FNDC3B: variants seen among roughly 807,000 people sequenced by gnomAD.
FNDC3B encodes the protein fibronectin type III domain containing 3B, also known as fibronectin type III domain-containing protein 3B.
Under a neutral mutation model 151.5 loss-of-function variants are expected in FNDC3B, and 12 were observed. The observed-to-expected ratio is 0.08, with a 90% CI of 0.05 to 0.13. The LOEUF is 0.13. FNDC3B is among the 10% of genes least tolerant of loss of function. FNDC3B has a pLI of 1.00. For synonymous variants in FNDC3B, 528 were observed against 549.0 expected (o/e 0.96, Z 0.54); for missense variants, 1,214 against 1,505.3 (o/e 0.81, Z 3.20).
intron 3 of FNDC3B, among the ~76,000 whole-genome samples, chr3:172,225,040 C>CAAAAAAATAAAAAAAA (rs1726479062): frequency 6.6e-6 from 1 of 152,206 alleles, no homozygotes; most frequent in South Asian, 2.1e-4. Flanking sequence ...AATATTAACT[C>CAAAAAAATAAAAAAAA]AAAACTATGT....
At chr3:172,136,320 C>T (rs1721362317) in intron 3 of FNDC3B, among the ~76,000 whole-genome samples, 1 of 152,164 alleles carries the variant, frequency 6.6e-6, no homozygotes, top group African/African-American at 2.4e-5. Flanking sequence ...GGGGCGAGCA[C>T]TTTGTTAATG....
chr3:172,251,449 G>C lies in FNDC3B; in HGVS notation c.698G>C (p.Ser233Thr). 1 of 1,614,148 alleles carries C rather than the reference G, an allele frequency of 6.2e-7. No homozygotes were observed. ...TATGGGAAGGGCCATAGTGGTGGAA[G>C]TGGCGGAGGCGGCAGCGGTAGTGGT... ...NGYGKGHSGG[S>T]GGGGSGSGPG... Residue 233 changes from serine to threonine, a missense_variant, in exon 6 of 26, where the codon AGT becomes ACT. By Grantham distance (58) the Ser-to-Thr change is moderately conservative (BLOSUM62 1). This residue lies in a region of FNDC3B where 166 missense variants were observed against 173.2 expected (regional missense o/e 0.96). Transcript: ENST00000415807.
intron 11 of FNDC3B, chr3:172,316,390 G>A (rs537859887): frequency 1.1e-5 from 5 of 454,558 alleles, no homozygotes; most frequent in Non-Finnish European, 2.2e-5. Context: ...AGGATATAGA[G>A]GGCTCTAGGT....
chr3:172,257,347 A>T (rs1047141912), intron 6 of FNDC3B, among the ~76,000 whole-genome samples: 65 of 152,326 alleles, frequency 4.3e-4, no homozygotes, highest in African/African-American at 1.4e-3. Flanking sequence ...ACAGAATGGA[A>T]TTGTAAGATT....
At position 172,040,992 on chromosome 3, in the gene FNDC3B, A is replaced by G. The variant is rs1439924132; in HGVS notation, c.-29+1221A>G. Among the ~76,000 whole-genome samples the G allele has an allele frequency of 6.6e-6, 1 of 152,208 alleles. No homozygotes were observed. The highest frequency in any genetic ancestry group is 1.5e-5 in the Non-Finnish European group (1 of 68,018). ...CTGCCATCCCAGACGAAGGGAAGCA[A>G]TGGCATTTTATCCAGACAGTGCCGT... On this transcript the variant is annotated intron_variant, in intron 1 of 25. Transcript: ENST00000415807. The surrounding 1 kb of genome is among the most constrained non-coding windows in gnomAD (Gnocchi z 6.6).
intron 1 of FNDC3B, among the ~76,000 whole-genome samples, chr3:172,054,928 A>G (rs569299920): frequency 1.3e-5 from 2 of 152,332 alleles, no homozygotes; most frequent in East Asian, 1.9e-4. Context: ...TTATACCTCA[A>G]GAGGTAAAGA....
intron 23 of FNDC3B, among the ~76,000 whole-genome samples, chr3:172,375,143 A>G (rs1735070978): frequency 1.3e-5 from 2 of 152,096 alleles, no homozygotes. Flanking sequence ...GGAAGGTGTC[A>G]GCTTTTTAAT....
chr3:172,288,859 C>T (rs1730163953), intron 7 of FNDC3B, among the ~76,000 whole-genome samples: 1 of 152,180 alleles, frequency 6.6e-6, no homozygotes, highest in Non-Finnish European at 1.5e-5. Context: ...ATGTCTGGTT[C>T]TCTGGATGGC....
intron 6 of FNDC3B, among the ~76,000 whole-genome samples, chr3:172,264,132 A>T (rs558164418): frequency 1.3e-5 from 2 of 152,112 alleles, no homozygotes; most frequent in African/African-American, 2.4e-5. Context: ...AACTACAGAC[A>T]TGTGCCACCC....
chr3:172,382,564 T>C (rs1264988032), intron 25 of FNDC3B, among the ~76,000 whole-genome samples: 1 of 152,262 alleles, frequency 6.6e-6, no homozygotes, highest in Non-Finnish European at 1.5e-5. Flanking sequence ...CCGAATGGTA[T>C]TGCCTAGGTT....
chr3:172,080,374 G>A (rs1718221380), intron 1 of FNDC3B, among the ~76,000 whole-genome samples: 1 of 152,042 alleles, frequency 6.6e-6, no homozygotes, highest in Non-Finnish European at 1.5e-5. Context: ...GGGCTCAAGT[G>A]ATCCTTCTGC....
chr3:172,351,581 G>A (rs1169285356), intron 21 of FNDC3B, among the ~76,000 whole-genome samples: 1 of 152,290 alleles, frequency 6.6e-6, no homozygotes, highest in South Asian at 2.1e-4. Flanking sequence ...CAAAAATCTC[G>A]ATAATCCTGA....
At chr3:172,345,332 C>T (rs1372704309) in intron 19 of FNDC3B, among the ~76,000 whole-genome samples, 1 of 152,200 alleles carries the variant, frequency 6.6e-6, no homozygotes, top group African/African-American at 2.4e-5. Flanking sequence ...CTACCCCATT[C>T]TCTCATCAAC....
In FNDC3B at chr3:172,397,675, T is replaced by A. The variant is rs6794474; in HGVS notation, c.*200T>A. 56,885 of 277,948 alleles carry A rather than the reference T, an allele frequency of 0.2. 7,986 individuals are homozygous for A. The highest frequency in any genetic ancestry group is 0.64 in the East Asian group (12,981 of 20,302). 17.2% of individuals were successfully genotyped at this position (277,948 alleles called of 1,614,324 possible). On this transcript the variant is annotated 3_prime_UTR_variant, in exon 26 of 26. Coordinates refer to ENST00000415807, the MANE Select transcript of FNDC3B (RefSeq NM_022763.4). Reference sequence around the variant, plus strand: ...AAAAGGTTAAACTGGATTTTTTTTTTTAAAAAAAAGAAAAAAAAAGAAGAA... The same window carrying A: ...AAAAGGTTAAACTGGATTTTTTTTTATAAAAAAAAGAAAAAAAAAGAAGAA...
At chr3:172,371,368 G>T (rs939535941) in intron 23 of FNDC3B, among the ~76,000 whole-genome samples, 2 of 152,158 alleles carry the variant, frequency 1.3e-5, no homozygotes, top group African/African-American at 4.8e-5. Context: ...ATCTGCAGTT[G>T]GTTGATCCAC....
At chr3:172,303,689 A>G (rs1438392194) in intron 9 of FNDC3B, among the ~76,000 whole-genome samples, 1 of 151,916 alleles carries the variant, frequency 6.6e-6, no homozygotes, top group African/African-American at 2.4e-5. Flanking sequence ...CTCCTTTTAC[A>G]TGATGATATT....
chr3:172,199,932 C>T (rs1316211471), intron 3 of FNDC3B, among the ~76,000 whole-genome samples: 4 of 152,134 alleles, frequency 2.6e-5, no homozygotes, highest in East Asian at 1.9e-4. Flanking sequence ...GGGTTCTCTG[C>T]GCGCTTTTGT....
At chr3:172,281,626 C>A (rs1348007894) in intron 6 of FNDC3B, among the ~76,000 whole-genome samples, 1 of 152,222 alleles carries the variant, frequency 6.6e-6, no homozygotes, top group East Asian at 1.9e-4. Flanking sequence ...TGGAAAATAG[C>A]CCCTGAGAAT....
intron 19 of FNDC3B, among the ~76,000 whole-genome samples, chr3:172,344,729 A>G (rs1285363111): frequency 6.6e-6 from 1 of 152,238 alleles, no homozygotes; most frequent in African/African-American, 2.4e-5. Context: ...TGAAAACTAC[A>G]GGACTCTCTC....
Sources: gnomAD v4.1 joint callset for allele counts (sites outside exome capture counted in the v4.1 genomes callset) on GRCh38, gnomAD v4.1.1 for gene constraint, gnomAD v4.1.1 regional missense constraint, Gnocchi (gnomAD v3.1) non-coding constraint, MANE v1.5 for transcripts, NCBI Gene and HGNC (gene_info 2026-07-23, HGNC 2026-07-21) for gene names.